The following RPS6KC1 variants were observed in gnomAD, a reference collection of about 807,000 sequenced individuals.
RPS6KC1 encodes the protein ribosomal protein S6 kinase C1.
In RPS6KC1, 54 loss-of-function variants were observed where a neutral mutation model predicts 103.8. That is an observed-to-expected ratio of 0.52 (90% CI 0.42 to 0.65). RPS6KC1 has a LOEUF of 0.65. Among genes scored for constraint, RPS6KC1 ranks in the 30% least tolerant of loss-of-function variants. The pLI, the probability that RPS6KC1 is intolerant of heterozygous loss-of-function variation, is 0.00. For synonymous variants in RPS6KC1, 439 were observed against 438.7 expected, an observed-to-expected ratio of 1.00 and a Z score of -0.01; for missense variants, 1,151 against 1,253.8, an observed-to-expected ratio of 0.92 and a Z score of 1.24.
chr1:213,690,165 A>C, the RPS6KC1 span, among the ~76,000 whole-genome samples: 2 of 152,162 alleles, frequency 1.3e-5, no homozygotes, highest in Admixed American at 6.5e-5. Flanking sequence ...TTCAGCCTGT[A>C]TATTTATCAT....
chr1:213,610,804 C>A, the RPS6KC1 span, among the ~76,000 whole-genome samples: 2 of 152,132 alleles, frequency 1.3e-5, no homozygotes, highest in Non-Finnish European at 1.5e-5. Context: ...CAGTTTGCTC[C>A]GGTGGGACAT....
the RPS6KC1 span, among the ~76,000 whole-genome samples, chr1:213,848,175 A>G: frequency 5.9e-5 from 9 of 152,330 alleles, no homozygotes; most frequent in African/African-American, 1.9e-4. Flanking sequence ...AACTACATCT[A>G]TTTAAAGTAT....
At chr1:213,363,798 CT>C in the RPS6KC1 span, among the ~76,000 whole-genome samples, 943 of 83,596 alleles carry the variant, frequency 0.011, 189 homozygotes, top group African/African-American at 0.037. Context: ...TTCTTTCTTT[CT>C]TTCTTTCTTT....
the RPS6KC1 span, among the ~76,000 whole-genome samples, chr1:213,727,739 T>C: frequency 6.6e-6 from 1 of 152,150 alleles, no homozygotes; most frequent in African/African-American, 2.4e-5. Flanking sequence ...AAAAGAGATT[T>C]TCAATTCCCC....
chr1:213,339,465 A>G, the RPS6KC1 span, among the ~76,000 whole-genome samples: 5 of 152,134 alleles, frequency 3.3e-5, no homozygotes, highest in African/African-American at 7.2e-5. Context: ...GTTAGGAGCT[A>G]AATAGTGTAG....
At chr1:213,833,083 G>A in the RPS6KC1 span, among the ~76,000 whole-genome samples, 1 of 152,166 alleles carries the variant, frequency 6.6e-6, no homozygotes, top group Non-Finnish European at 1.5e-5. Context: ...AAGCTTCAGG[G>A]GATGCTGAAG....
chr1:213,423,439 G>A, the RPS6KC1 span, among the ~76,000 whole-genome samples: 1 of 152,112 alleles, frequency 6.6e-6, no homozygotes, highest in Non-Finnish European at 1.5e-5. Flanking sequence ...CAGCAGCATC[G>A]GATCTGAGGC....
At chr1:213,313,961 A>T in the RPS6KC1 span, among the ~76,000 whole-genome samples, 1 of 152,060 alleles carries the variant, frequency 6.6e-6, no homozygotes, top group Non-Finnish European at 1.5e-5. Context: ...TAAAAAAAGA[A>T]AAAAAAGAAT....
the RPS6KC1 span, among the ~76,000 whole-genome samples, chr1:213,310,465 G>T: frequency 6.6e-6 from 1 of 152,052 alleles, no homozygotes; most frequent in African/African-American, 2.4e-5. Context: ...CTGCCTGGAA[G>T]GCTCTTCCCT....
At chr1:213,786,009 C>A in the RPS6KC1 span, among the ~76,000 whole-genome samples, 1 of 151,808 alleles carries the variant, frequency 6.6e-6, no homozygotes, top group Non-Finnish European at 1.5e-5. Context: ...GAATGAGATG[C>A]AAGAATTTTG....
the RPS6KC1 span, among the ~76,000 whole-genome samples, chr1:213,470,535 T>C: frequency 6.6e-6 from 1 of 152,142 alleles, no homozygotes; most frequent in African/African-American, 2.4e-5. Flanking sequence ...CATTATTTAT[T>C]AGGGCTACAA....
chr1:213,707,140 G>A, the RPS6KC1 span, among the ~76,000 whole-genome samples: 1 of 152,240 alleles, frequency 6.6e-6, no homozygotes, highest in South Asian at 2.1e-4. Context: ...TTCCACAATG[G>A]TTGAACTAAT....
the RPS6KC1 span, among the ~76,000 whole-genome samples, chr1:213,310,923 C>A: frequency 2.0e-5 from 3 of 152,110 alleles, no homozygotes; most frequent in Non-Finnish European, 4.4e-5. Flanking sequence ...TTCCTGTCCC[C>A]CTTTGCCAGG....
the RPS6KC1 span, among the ~76,000 whole-genome samples, chr1:213,756,233 A>C: frequency 6.6e-6 from 1 of 152,194 alleles, no homozygotes; most frequent in Admixed American, 6.5e-5. Context: ...CTCCCTTGAG[A>C]GCAAAAGACC....
chr1:213,498,108 A>G, the RPS6KC1 span, among the ~76,000 whole-genome samples: 2 of 152,186 alleles, frequency 1.3e-5, no homozygotes, highest in Non-Finnish European at 2.9e-5. Flanking sequence ...AGATATTTCA[A>G]AAGTTTGGAA....
the RPS6KC1 span, among the ~76,000 whole-genome samples, chr1:213,502,902 G>A: frequency 6.7e-6 from 1 of 150,362 alleles, no homozygotes; most frequent in Admixed American, 6.7e-5. Context: ...ATAATAAAAA[G>A]TATGGGTTGA....
downstream of RPS6KC1, among the ~76,000 whole-genome samples, chr1:213,276,902 A>G (rs1208177821): frequency 2.6e-5 from 4 of 152,178 alleles, no homozygotes; most frequent in Admixed American, 2.6e-4. Flanking sequence ...CTCAGTAACT[A>G]TGGTGGTATT....
chr1:213,722,416 T>A, the RPS6KC1 span, among the ~76,000 whole-genome samples: 1 of 152,158 alleles, frequency 6.6e-6, no homozygotes, highest in Admixed American at 6.5e-5. Flanking sequence ...CAGTTACACG[T>A]CCCAATATTA....
At chr1:213,453,557 A>G in the RPS6KC1 span, among the ~76,000 whole-genome samples, 1 of 152,192 alleles carries the variant, frequency 6.6e-6, no homozygotes, top group African/African-American at 2.4e-5. Context: ...GGGCCAGGAC[A>G]GGTGAGTACA....
Sources: allele counts gnomAD v4.1 joint callset (sites outside exome capture counted in the v4.1 genomes callset), GRCh38; gene constraint gnomAD v4.1.1; transcripts MANE v1.5; gene names NCBI Gene and HGNC (gene_info 2026-07-23, HGNC 2026-07-21).